Variants in TMEM120B observed in about 807,000 individuals in gnomAD.
The protein encoded by TMEM120B is transmembrane protein 120B.
Under a neutral mutation model 55.5 loss-of-function variants are expected in TMEM120B, and 31 were observed. That is an observed-to-expected ratio of 0.56 (90% CI 0.42 to 0.75). TMEM120B has a LOEUF of 0.75. TMEM120B is among the 30% of genes least tolerant of loss of function. The probability of loss-of-function intolerance (pLI) is 0.00; values close to 1 mark genes in which losing one functional copy is unlikely to be tolerated. For missense variants in TMEM120B, 399 were observed against 425.5 expected, an observed-to-expected ratio of 0.94 and a Z score of 0.55; for synonymous variants, 203 against 176.3, an observed-to-expected ratio of 1.15 and a Z score of -1.20.
intron 1 of TMEM120B, among the ~76,000 whole-genome samples, chr12:121,730,647 C>CAAAAA (rs71079088): frequency 3.2e-5 from 3 of 94,514 alleles, no homozygotes; most frequent in Non-Finnish European, 3.9e-5. Context: ...GAGACACAGT[C>CAAAAA]AAAAAAAAAA....
chr12:121,770,904 G>A lies in TMEM120B; in HGVS notation c.552-3G>A, dbSNP rs139299980. The A allele has an allele frequency of 8.4e-5, 135 of 1,614,016 alleles. No individual in the cohort carries two copies. The East Asian group carries it at 1.8e-3, about 22-fold the overall frequency. ...GCACTTTCCGTTCTCTCCCTCTCCC[G>A]AGAATTAAAGGCTGGTGGGTGTCTC... On this transcript the variant is annotated splice_region_variant and splice_polypyrimidine_tract_variant and intron_variant, in intron 6 of 11. Transcript: ENST00000449592.
Position 121,743,728 on chromosome 12 carries a change from T to C in TMEM120B, c.169T>C (p.Leu57=). ...ISKQKKHLKD[L]KLTLQRCKRH... The stretch of plus-strand genomic sequence containing the variant: ...TAAGCAGAAGAAGCACCTCAAGGAC[T>C]TGAAGCTTACACTCCAGAGGTAGGT... Residue 57 remains leucine (L), a synonymous_variant, in exon 2 of 12, where the codon TTG becomes CTG. Transcript: ENST00000449592. The C allele has an allele frequency of 1.2e-6, 2 of 1,613,130 alleles. No homozygotes were observed. Among genetic ancestry groups the C allele is most frequent in the African/African-American group, 2.7e-5 (2 of 74,976 alleles).
chr12:121,774,870 G>T, intron 10 of TMEM120B, 148 bp downstream of exon 10: 1 of 1,195,950 alleles, frequency 8.4e-7, no homozygotes. Flanking sequence ...GCCCAGGGAT[G>T]CCAAGGCAGG....
chr12:121,714,313 G>A (rs986475412), intron 1 of TMEM120B, among the ~76,000 whole-genome samples: 1 of 152,154 alleles, frequency 6.6e-6, no homozygotes, highest in Non-Finnish European at 1.5e-5. Flanking sequence ...CTGGAGTGCA[G>A]TGGCGTGATC....
chr12:121,745,236 C>T (rs2137140888), intron 2 of TMEM120B, among the ~76,000 whole-genome samples: 1 of 152,304 alleles, frequency 6.6e-6, no homozygotes, highest in Admixed American at 6.5e-5. Flanking sequence ...TGAGATGTGT[C>T]TGCTGACTTG....
chr12:121,779,904 C>T lies in TMEM120B; in HGVS notation c.*4182C>T, dbSNP rs1003510818. On this transcript the variant is annotated 3_prime_UTR_variant, in exon 12 of 12. Coordinates refer to ENST00000449592, the MANE Select transcript of TMEM120B (RefSeq NM_001080825.2). ...CCCCACCCTGGCCTCTCTCCAGCTC[C>T]GGGCAGGGAGGGGCTGAATCCTGAG... is the stretch of plus-strand genomic sequence containing the variant. 99 of 500,084 alleles carry T rather than the reference C, an allele frequency of 2.0e-4. No individual in the cohort carries two copies. The highest frequency in any genetic ancestry group is 5.5e-4 in the Admixed American group (17 of 30,986). The allele number at this position is 500,084 out of a possible 1,614,324, so 31.0% of individuals were successfully genotyped here. A position where few individuals can be genotyped will look rare whatever the true frequency, so the allele number is the denominator to read the frequency against.
chr12:121,719,463 A>G (rs965135808), intron 1 of TMEM120B, among the ~76,000 whole-genome samples: 1 of 152,034 alleles, frequency 6.6e-6, no homozygotes, highest in Non-Finnish European at 1.5e-5. Context: ...GCGTGCACCC[A>G]TGGTCCCACC....
At position 121,761,756 on chromosome 12, in the gene TMEM120B, T is replaced by G; in HGVS notation, c.551+18T>G. 1 of 1,604,768 alleles carries G rather than the reference T, an allele frequency of 6.2e-7. No homozygotes were observed. The highest frequency in any genetic ancestry group is 8.5e-7 in the Non-Finnish European group (1 of 1,171,786). ...GGCTCAAGGTACCTGGGCACCTGGC[T>G]TTGTGGGGAGCACAAGAGGAGTTAA... is the stretch of plus-strand genomic sequence containing the variant. On this transcript the variant is annotated intron_variant, in intron 6 of 11. Coordinates refer to ENST00000449592, the MANE Select transcript of TMEM120B (RefSeq NM_001080825.2).
chr12:121,723,188 AG>A (rs1566506257), intron 1 of TMEM120B, among the ~76,000 whole-genome samples: 1 of 151,630 alleles, frequency 6.6e-6, no homozygotes, highest in Non-Finnish European at 1.5e-5. Flanking sequence ...TTTAAGAGAG[AG>A]GGGGGTCTAA....
chr12:121,739,375 G>A (rs949378715), intron 1 of TMEM120B, among the ~76,000 whole-genome samples: 1 of 152,110 alleles, frequency 6.6e-6, no homozygotes, highest in African/African-American at 2.4e-5. Context: ...TGGTATATGA[G>A]GCCATAGCAT....
chr12:121,779,385 C>T lies in TMEM120B; in HGVS notation c.*3663C>T, dbSNP rs1592954226. ...CCAGAATGTTCCAAGAGTCTAGCCG[C>T]AGGCCCCAGACACCATGAGCTGGAG... On this transcript the variant is annotated 3_prime_UTR_variant, in exon 12 of 12. Coordinates refer to ENST00000449592, the MANE Select transcript of TMEM120B (RefSeq NM_001080825.2). 2.5e-5 allele frequency: 29 copies of T among 1,156,428 alleles called. No individual in the cohort carries two copies. The East Asian group carries it at 6.8e-4, about 27-fold the overall frequency. 71.6% of individuals were successfully genotyped at this position (1,156,428 alleles called of 1,614,324 possible).
chr12:121,767,214 G>A (rs1275303126), intron 6 of TMEM120B, among the ~76,000 whole-genome samples: 2 of 152,194 alleles, frequency 1.3e-5, no homozygotes, highest in Non-Finnish European at 2.9e-5. Flanking sequence ...AGGCTGGAGT[G>A]CAGTGGTGCG....
rs115362821 is a variant in TMEM120B at position 121,758,382 on chromosome 12, G to A, written c.462-3267G>A. On this transcript the variant is annotated intron_variant, in intron 5 of 11. Coordinates refer to ENST00000449592, the MANE Select transcript of TMEM120B (RefSeq NM_001080825.2). ...GGTCTGTCGCCTTCAAAGCTGGATC[G>A]GCCCAGCCCCGCGCTGTGGTCACCA... 6.4e-3 allele frequency: 6,325 copies of A among 984,974 alleles called. 344 individuals are homozygous for A. The African/African-American group carries it at 0.1, about 16-fold the overall frequency. 61.0% of individuals were successfully genotyped at this position (984,974 alleles called of 1,614,324 possible). A position where few individuals can be genotyped will look rare whatever the true frequency, so the allele number is the denominator to read the frequency against.
intron 1 of TMEM120B, among the ~76,000 whole-genome samples, chr12:121,722,941 C>T (rs1218121871): frequency 6.6e-5 from 10 of 151,466 alleles, no homozygotes; most frequent in African/African-American, 1.9e-4. Flanking sequence ...CTCCGCCTCC[C>T]GGGTTCAAGC....
rs1218278457 is a variant in TMEM120B at position 121,743,422 on chromosome 12, G to C, written c.70-207G>C. On this transcript the variant is annotated intron_variant, in intron 1 of 11. Transcript: ENST00000449592. ...AAAAAAAAAAAATTAGCTGGGCGTAGTTGTGGGCACCTGTAGTCCCAGCTA... is the reference window on the plus strand; with the variant it reads ...AAAAAAAAAAAATTAGCTGGGCGTACTTGTGGGCACCTGTAGTCCCAGCTA... Among the ~76,000 whole-genome samples, 4 of 151,742 alleles carry C rather than the reference G, an allele frequency of 2.6e-5. No individual in the cohort carries two copies. The East Asian group carries it at 7.8e-4, about 29-fold the overall frequency.
chr12:121,753,875 A>C (rs1362495044), intron 5 of TMEM120B, among the ~76,000 whole-genome samples: 1 of 152,096 alleles, frequency 6.6e-6, no homozygotes, highest in Non-Finnish European at 1.5e-5. Flanking sequence ...CCGTGTGTGG[A>C]AGCTCCACCC....
In TMEM120B at chr12:121,777,117, G is replaced by A. The variant is rs73413713; in HGVS notation, c.*1395G>A. ...ACTACAGGCGCGTGCCACCATGCCT[G>A]GCTTTTGTTTTGTTTTGTTTTGTTT... On this transcript the variant is annotated 3_prime_UTR_variant, in exon 12 of 12. Transcript: ENST00000449592. The A allele has an allele frequency of 0.2, 29,850 of 151,924 alleles. 4,752 individuals are homozygous for A. The highest frequency in any genetic ancestry group is 0.43 in the African/African-American group (17,807 of 41,344). The allele number at this position is 151,924 out of a possible 1,614,324, so 9.4% of individuals were successfully genotyped here.
chr12:121,768,613 A>G (rs576570933), intron 6 of TMEM120B, among the ~76,000 whole-genome samples: 2 of 152,314 alleles, frequency 1.3e-5, no homozygotes, highest in East Asian at 3.9e-4. Context: ...TCCCACGAGC[A>G]TCCCCAGCCT....
intron 5 of TMEM120B, chr12:121,758,529 T>C (rs1232354699): frequency 7.0e-5 from 64 of 920,014 alleles, no homozygotes; most frequent in Middle Eastern, 5.8e-4. Flanking sequence ...TGGAGGAGGA[T>C]GGCCTAGCTC....
Sources: allele counts gnomAD v4.1 joint callset (sites outside exome capture counted in the v4.1 genomes callset), GRCh38; gene constraint gnomAD v4.1.1; transcripts MANE v1.5; gene names NCBI Gene and HGNC (gene_info 2026-07-23, HGNC 2026-07-21).